Variants in MGAM2 observed in about 807,000 individuals in gnomAD.
MGAM2 encodes the protein maltase-glucoamylase 2 (putative).
In MGAM2, 98 loss-of-function variants were observed where a neutral mutation model predicts 96.1. That is an observed-to-expected ratio of 1.02 (90% CI 0.87 to 1.21). The LOEUF (loss-of-function observed/expected upper bound fraction) is 1.21. MGAM2 is among the 50% of genes most tolerant of loss of function. The probability of loss-of-function intolerance (pLI) is 0.00; values close to 1 mark genes in which losing one functional copy is unlikely to be tolerated. For missense variants in MGAM2, 2,055 were observed against 1,182.4 expected (o/e 1.74, Z -10.82); for synonymous variants, 749 against 414.8 (o/e 1.81, Z -9.79).
At chr7:142,185,743 G>A (rs1452872240) in intron 34 of MGAM2, among the ~76,000 whole-genome samples, 1 of 151,966 alleles carries the variant, frequency 6.6e-6, no homozygotes, top group East Asian at 1.9e-4. Flanking sequence ...GTGATTACAT[G>A]TCCAGTTATT....
At chr7:142,171,613 T>C (rs1585184887) in intron 28 of MGAM2, among the ~76,000 whole-genome samples, 173 bp downstream of exon 28, 1 of 30,520 alleles carries the variant, frequency 3.3e-5, no homozygotes, top group Non-Finnish European at 5.6e-5. Context: ...GGCATATATA[T>C]ATATATATAT....
intron 6 of MGAM2, among the ~76,000 whole-genome samples, chr7:142,132,651 T>A (rs1373812432): frequency 7.8e-6 from 1 of 127,518 alleles, no homozygotes; most frequent in African/African-American, 3.1e-5. Flanking sequence ...AATATAGTTA[T>A]AATTAAAATA....
chr7:142,190,423 C>T (rs1796835753), intron 37 of MGAM2, among the ~76,000 whole-genome samples: 1 of 151,928 alleles, frequency 6.6e-6, no homozygotes, highest in South Asian at 2.1e-4. Context: ...AGGCATAAGT[C>T]ACCATGCCTG....
intron 45 of MGAM2, among the ~76,000 whole-genome samples, chr7:142,200,953 A>G (rs938647299): frequency 6.9e-6 from 1 of 144,830 alleles, no homozygotes; most frequent in Non-Finnish European, 1.5e-5. Context: ...TGACAGAAAC[A>G]TGTGTGAATG....
intron 45 of MGAM2, among the ~76,000 whole-genome samples, chr7:142,204,589 G>A (rs1797340621): frequency 6.6e-6 from 1 of 151,778 alleles, no homozygotes; most frequent in African/African-American, 2.4e-5. Context: ...TTCTTCTTTA[G>A]TATCTACAAC....
In MGAM2 at chr7:142,134,023, C is replaced by G. The variant is rs754131095; in HGVS notation, c.618C>G (p.Tyr206Ter). 15 of 738,596 alleles carry G rather than the reference C, an allele frequency of 2.0e-5. No homozygotes were observed. The highest frequency in any genetic ancestry group is 5.0e-6 in the Non-Finnish European group (2 of 403,978). 45.8% of individuals were successfully genotyped at this position (738,596 alleles called of 1,614,324 possible). The stretch of plus-strand genomic sequence containing the variant: ...GGCCCCTCCAGTTTGCCCAGCAGTA[C>G]CTGCAACTGTCTTTCCGACTGCCCA... ...SIGPLQFAQQ[Y>*]LQLSFRLPSA... Residue 206 changes from tyrosine (Y) to a stop codon, truncating the protein, a stop_gained, in exon 7 of 48, where the codon TAC becomes TAG. Coordinates refer to ENST00000477922, the MANE Select transcript of MGAM2 (RefSeq NM_001293626.2). LOFTEE classifies it high-confidence loss of function.
At chr7:142,217,675 T>A (rs1185436212) in intron 46 of MGAM2, among the ~76,000 whole-genome samples, 5 of 152,144 alleles carry the variant, frequency 3.3e-5, no homozygotes, top group Non-Finnish European at 7.4e-5. Flanking sequence ...GACAGTTAAA[T>A]AGCAGGAGTG....
rs1284796591 is a variant in MGAM2 at position 142,136,653 on chromosome 7, T to C, written c.847+13T>C. On this transcript the variant is annotated intron_variant, in intron 8 of 47. Transcript: ENST00000477922. ...AGTAATGCCATGGGTAGGAAGCATC[T>C]TTTTATCTTCTGTAGGTAGGAATAC... 3 of 684,582 alleles carry C rather than the reference T, an allele frequency of 4.4e-6. No homozygotes were observed. The highest frequency in any genetic ancestry group is 5.3e-6 in the Non-Finnish European group (2 of 379,292). The allele number at this position is 684,582 out of a possible 1,614,324, so 42.4% of individuals were successfully genotyped here.
intron 10 of MGAM2, among the ~76,000 whole-genome samples, chr7:142,139,689 T>C (rs1795163407): frequency 6.7e-6 from 1 of 148,848 alleles, no homozygotes; most frequent in Non-Finnish European, 1.5e-5. Flanking sequence ...AAGAATATGA[T>C]GTTAACATCT....
At chr7:142,216,216 G>C (rs562327989) in intron 46 of MGAM2, among the ~76,000 whole-genome samples, 9 of 152,094 alleles carry the variant, frequency 5.9e-5, no homozygotes, top group African/African-American at 2.2e-4. Context: ...AGAGTAGTTG[G>C]GTTGAAGACT....
intron 30 of MGAM2, 45 bp from the exon 31 acceptor site, chr7:142,173,184 C>G: frequency 1.4e-6 from 1 of 701,070 alleles, no homozygotes; most frequent in Non-Finnish European, 2.6e-6. Context: ...ATCACCTTGT[C>G]TTCCCTAAGA....
chr7:142,144,303 C>T (rs1795322392), intron 13 of MGAM2, among the ~76,000 whole-genome samples: 1 of 152,100 alleles, frequency 6.6e-6, no homozygotes, highest in Admixed American at 6.5e-5. Flanking sequence ...TCTCTGAGTG[C>T]CAATGTGCAA....
intron 26 of MGAM2, among the ~76,000 whole-genome samples, chr7:142,167,720 G>A (rs1198543385): frequency 6.6e-6 from 1 of 152,096 alleles, no homozygotes; most frequent in Non-Finnish European, 1.5e-5. Flanking sequence ...CTATAGGTGT[G>A]CTCCGACACA....
chr7:142,175,866 G>A (rs1796358580), intron 32 of MGAM2, 86 bp downstream of exon 32: 1 of 656,464 alleles, frequency 1.5e-6, no homozygotes, highest in Non-Finnish European at 2.8e-6. Context: ...CTGGATGAAG[G>A]GTACCAGAAA....
At chr7:142,188,072 C>T (rs1796755243) in intron 36 of MGAM2, among the ~76,000 whole-genome samples, 1 of 148,606 alleles carries the variant, frequency 6.7e-6, no homozygotes, top group East Asian at 2.0e-4. Context: ...CCATTGATAA[C>T]TATGAACAGA....
intron 28 of MGAM2, 76 bp downstream of exon 28, chr7:142,171,516 A>G: frequency 1.6e-6 from 1 of 643,092 alleles, no homozygotes; most frequent in Admixed American, 2.3e-5. Flanking sequence ...CTTATATATG[A>G]TACCTTGCTC....
chr7:142,220,490 T>C lies in MGAM2; in HGVS notation c.5979T>C (p.Thr1993=), dbSNP rs557250997. Residue 1993 remains threonine (T), a synonymous_variant, in exon 48 of 48, where the codon ACT becomes ACC. Coordinates refer to ENST00000477922, the MANE Select transcript of MGAM2 (RefSeq NM_001293626.2). ...PFATSTISVT[T]STTVPDTTAP... ...CAACAAGTACTATTAGTGTTACAAC[T>C]AGTACTACTGTTCCTGATACAACTG... The C allele has an allele frequency of 1.4e-6, 1 of 702,540 alleles. No homozygotes were observed. The highest frequency in any genetic ancestry group is 2.7e-5 in the East Asian group (1 of 37,262). 43.5% of individuals were successfully genotyped at this position (702,540 alleles called of 1,614,324 possible).
chr7:142,186,156 T>C, intron 35 of MGAM2, 33 bp downstream of exon 35: 1 of 690,348 alleles, frequency 1.4e-6, no homozygotes, highest in Non-Finnish European at 2.6e-6. Flanking sequence ...TTTTTTTTTT[T>C]TTGGAAATGT....
In MGAM2 at chr7:142,173,368, A is replaced by T. The variant is rs763820799; in HGVS notation, c.3687+14A>T. The T allele has an allele frequency of 1.4e-6, 1 of 702,104 alleles. No individual in the cohort carries two copies. The highest frequency in any genetic ancestry group is 1.7e-5 in the African/African-American group (1 of 57,176). 43.5% of individuals were successfully genotyped at this position (702,104 alleles called of 1,614,324 possible). On this transcript the variant is annotated intron_variant, in intron 31 of 47. Coordinates refer to ENST00000477922, the MANE Select transcript of MGAM2 (RefSeq NM_001293626.2). ...CAGATTCCCTATGTATGAAACCCTC[A>T]CTCAGCCCAAGGTGTAATTAGTTAC...
Sources: allele counts gnomAD v4.1 joint callset (sites outside exome capture counted in the v4.1 genomes callset), GRCh38; gene constraint gnomAD v4.1.1; transcripts MANE v1.5; gene names NCBI Gene and HGNC (gene_info 2026-07-23, HGNC 2026-07-21).